RIMS1: variants seen among roughly 807,000 people sequenced by gnomAD.
RIMS1 encodes the protein regulating synaptic membrane exocytosis protein 1.
Under a neutral mutation model 214.1 loss-of-function variants are expected in RIMS1, and 83 were observed. The observed-to-expected ratio is 0.39, with a 90% CI of 0.32 to 0.47. The LOEUF is 0.47. Among genes scored for constraint, RIMS1 ranks in the 20% least tolerant of loss-of-function variants. RIMS1 has a pLI of 0.99. For missense variants in RIMS1, 2,050 were observed against 2,161.8 expected, an observed-to-expected ratio of 0.95 and a Z score of 1.03; for synonymous variants, 793 against 786.8, an observed-to-expected ratio of 1.01 and a Z score of -0.13.
At chr6:71,914,922 T>C (rs936113876) in intron 1 of RIMS1, among the ~76,000 whole-genome samples, 1 of 152,164 alleles carries the variant, frequency 6.6e-6, no homozygotes, top group Non-Finnish European at 1.5e-5. Context: ...TAACAAGCGT[T>C]GTGCTGCCTA....
At chr6:71,945,445 G>A (rs1006689009) in intron 1 of RIMS1, among the ~76,000 whole-genome samples, 1 of 152,116 alleles carries the variant, frequency 6.6e-6, no homozygotes, top group Non-Finnish European at 1.5e-5. Flanking sequence ...GACCAATCCA[G>A]AGCTAGAGGG....
intron 29 of RIMS1, among the ~76,000 whole-genome samples, chr6:72,385,443 A>G (rs2098576630): frequency 1.3e-5 from 2 of 152,256 alleles, no homozygotes; most frequent in South Asian, 4.1e-4. Context: ...CCATATGTGA[A>G]TGTATACATA....
intron 12 of RIMS1, among the ~76,000 whole-genome samples, chr6:72,248,893 A>T (rs1238497443): frequency 6.6e-6 from 1 of 152,100 alleles, no homozygotes; most frequent in Non-Finnish European, 1.5e-5. Flanking sequence ...TTTTTAGTAT[A>T]TTGAATATCT....
rs763002769 is a variant in RIMS1, at chr6:72,251,062, G to A, written c.2514G>A (p.Val838=). 3 of 1,586,180 alleles carry A rather than the reference G, an allele frequency of 1.9e-6. No homozygotes were observed. Among genetic ancestry groups the A allele is most frequent in the South Asian group, 1.2e-5 (1 of 86,612 alleles). The part of the protein sequence containing the change: ...LEITVWDQPR[V]QEEESEFLGE... ...TAACTGTGTGGGACCAACCAAGAGTGCAAGAAGAAGAAAGTGAATTTCTTG... is the reference window on the plus strand; with the variant it reads ...TAACTGTGTGGGACCAACCAAGAGTACAAGAAGAAGAAAGTGAATTTCTTG... Residue 838 remains valine (V), a synonymous_variant, in exon 14 of 34, where the codon GTG becomes GTA. Coordinates refer to ENST00000521978, the MANE Select transcript of RIMS1 (RefSeq NM_014989.7).
At chr6:72,141,058 G>A (rs981911611) in intron 4 of RIMS1, among the ~76,000 whole-genome samples, 5 of 151,926 alleles carry the variant, frequency 3.3e-5, no homozygotes, top group African/African-American at 7.2e-5. Context: ...ATTTTAAGGT[G>A]GGTATGACTT....
At chr6:72,212,990 T>C in intron 6 of RIMS1, 1 of 1,430,920 alleles carries the variant, frequency 7.0e-7, no homozygotes, top group Non-Finnish European at 9.1e-7. Context: ...CTGGTCCTGT[T>C]GTTCAATGAT....
chr6:72,278,048 G>A (rs1401306116), intron 23 of RIMS1, among the ~76,000 whole-genome samples: 1 of 152,022 alleles, frequency 6.6e-6, no homozygotes, highest in African/African-American at 2.4e-5. Context: ...TCAAGAAAAT[G>A]CAATATTTTC....
intron 2 of RIMS1, among the ~76,000 whole-genome samples, chr6:72,043,577 A>G (rs1317929251): frequency 6.6e-6 from 1 of 151,654 alleles, no homozygotes; most frequent in Non-Finnish European, 1.5e-5. Context: ...ATTTGGTTTA[A>G]CTTTAAAATT....
intron 6 of RIMS1, among the ~76,000 whole-genome samples, chr6:72,218,333 C>G (rs72939725): frequency 3.3e-5 from 5 of 152,066 alleles, no homozygotes; most frequent in African/African-American, 4.8e-5. Context: ...CTTGCTCCCC[C>G]TCAGGTTCAG....
At chr6:72,184,126 G>C (rs1342960330) in intron 6 of RIMS1, among the ~76,000 whole-genome samples, 2 of 152,162 alleles carry the variant, frequency 1.3e-5, no homozygotes, top group African/African-American at 4.8e-5. Flanking sequence ...CCAGTAAATT[G>C]CGTGGTATCT....
Position 72,258,248 on chromosome 6 carries a change from C to A in RIMS1, c.2894C>A (p.Pro965Gln). ...SPHRGNDQGK[P>Q]RSRLPNVPLQ... ...CATCGCGGCAATGATCAGGGAAAGCCGCGTTCACGTTTACCAAATGTGCCA... is the reference window on the plus strand; with the variant it reads ...CATCGCGGCAATGATCAGGGAAAGCAGCGTTCACGTTTACCAAATGTGCCA... Residue 965 changes from proline (P) to glutamine (Q), a missense_variant, in exon 17 of 34, where the codon CCG (proline) becomes CAG (glutamine). Pro to Gln is a moderately conservative substitution (Grantham distance 76, BLOSUM62 -1). Coordinates refer to ENST00000521978, the MANE Select transcript of RIMS1 (RefSeq NM_014989.7). 1 of 1,613,310 alleles carries A rather than the reference C, an allele frequency of 6.2e-7. No homozygotes were observed. Among genetic ancestry groups the A allele is most frequent in the African/African-American group, 1.3e-5 (1 of 75,006 alleles).
chr6:72,296,485 AT>A (rs1436462742), intron 26 of RIMS1, among the ~76,000 whole-genome samples: 1 of 151,816 alleles, frequency 6.6e-6, no homozygotes. Context: ...ATACCCATTA[AT>A]TTTATCTTTC....
At chr6:72,282,656 A>G (rs2090711360) in intron 23 of RIMS1, among the ~76,000 whole-genome samples, 1 of 152,148 alleles carries the variant, frequency 6.6e-6, no homozygotes, top group Non-Finnish European at 1.5e-5. Flanking sequence ...TTTCTAACTG[A>G]GTAGCCTTTC....
intron 26 of RIMS1, among the ~76,000 whole-genome samples, chr6:72,305,857 T>A (rs1273889752): frequency 6.6e-6 from 1 of 152,148 alleles, no homozygotes; most frequent in Non-Finnish European, 1.5e-5. Flanking sequence ...GATTTGAGAT[T>A]GGTTATCTAA....
At chr6:72,152,940 A>G (rs1317771484) in intron 4 of RIMS1, among the ~76,000 whole-genome samples, 2 of 142,784 alleles carry the variant, frequency 1.4e-5, no homozygotes, top group Non-Finnish European at 3.0e-5. Flanking sequence ...TATGGAATAT[A>G]TGTATATATA....
At chr6:72,262,031 A>G (rs2078263101) in intron 19 of RIMS1, 1 of 984,732 alleles carries the variant, frequency 1.0e-6, no homozygotes, top group African/African-American at 1.7e-5. Flanking sequence ...TGATGTGACT[A>G]AAGCTTCAAA....
intron 4 of RIMS1, among the ~76,000 whole-genome samples, chr6:72,142,248 C>A (rs1326844263): frequency 2.0e-5 from 3 of 151,856 alleles, no homozygotes; most frequent in Non-Finnish European, 2.9e-5. Context: ...GTAAATTGAC[C>A]TGCTATATTT....
intron 1 of RIMS1, among the ~76,000 whole-genome samples, chr6:71,939,148 A>G (rs1057397448): frequency 2.0e-5 from 3 of 152,216 alleles, no homozygotes; most frequent in Admixed American, 6.5e-5. Flanking sequence ...TTGCAACTAT[A>G]TAACAAAGAT....
At chr6:72,096,326 G>T (rs1438501346) in intron 2 of RIMS1, among the ~76,000 whole-genome samples, 1 of 152,174 alleles carries the variant, frequency 6.6e-6, no homozygotes, top group East Asian at 1.9e-4. Context: ...AACATTCTGT[G>T]TACTGTATTA....
Sources: gnomAD v4.1 joint callset for allele counts (sites outside exome capture counted in the v4.1 genomes callset) on GRCh38, gnomAD v4.1.1 for gene constraint, MANE v1.5 for transcripts, NCBI Gene and HGNC (gene_info 2026-07-23, HGNC 2026-07-21) for gene names.